DST: variants seen among roughly 807,000 people sequenced by gnomAD.
DST encodes bullous pemphigoid antigen.
A neutral mutation model predicts 875.2 loss-of-function variants in DST; 253 were observed. The ratio of observed to expected loss-of-function variants is 0.29; its 90% confidence interval spans 0.26 to 0.32. The LOEUF is 0.32. DST is among the 10% of genes least tolerant of loss of function. DST has a pLI of 1.00. For synonymous variants in DST, 3,124 were observed against 3,197.1 expected (o/e 0.98, Z 0.77); for missense variants, 8,287 against 9,111.6 (o/e 0.91, Z 3.68).
intron 16 of DST, 41 bp downstream of exon 16, chr6:56,642,369 C>T: frequency 7.2e-7 from 1 of 1,386,332 alleles, no homozygotes; most frequent in Non-Finnish European, 1.0e-6. Flanking sequence ...CGCACAGTGA[C>T]TCCTCTACCA....
rs1203821937 is a variant in DST at position 56,605,980 on chromosome 6, G to C, written c.8648C>G (p.Pro2883Arg). 1 of 1,612,562 alleles carries C rather than the reference G, an allele frequency of 6.2e-7. No individual in the cohort carries two copies. The highest frequency in any genetic ancestry group is 2.2e-5 in the East Asian group (1 of 44,858). The change falls in exon 40 of 104, where the codon CCT becomes CGT. Residue 2883 changes from proline (P) to arginine (R), a missense_variant. Around this residue, in one of 10 missense-constraint regions of DST, gnomAD observed 3,138 missense variants for 3,116.6 expected, o/e 1.01. Transcript: ENST00000680361. The stretch of plus-strand genomic sequence containing the variant: ...TTCAGTAACTAAGTTATTTTCACTA[G>C]GTGATGCTAGCTGTACAACATTTAC... ...QRVNVVQLASPSENNLVTEKS... is the reference protein window; with the variant it reads ...QRVNVVQLASRSENNLVTEKS...
chr6:56,503,964 G>T, intron 78 of DST, 33 bp downstream of exon 78: 2 of 1,463,998 alleles, frequency 1.4e-6, no homozygotes, highest in Non-Finnish European at 1.9e-6. Context: ...AAAACTGCAA[G>T]GGAGTCTTCG....
intron 4 of DST, among the ~76,000 whole-genome samples, chr6:56,799,350 ATC>A (rs900096530): frequency 2.7e-5 from 4 of 148,130 alleles, no homozygotes; most frequent in Admixed American, 2.0e-4. Flanking sequence ...GCAAGAAACT[ATC>A]TCTCTTTTTT....
chr6:56,504,571 T>C (rs1165180876), intron 77 of DST, among the ~76,000 whole-genome samples: 1 of 152,180 alleles, frequency 6.6e-6, no homozygotes, highest in Non-Finnish European at 1.5e-5. Flanking sequence ...ATCCTGCACA[T>C]ATAAATTATT....
At chr6:56,887,182 T>C (rs774955653) in intron 3 of DST, among the ~76,000 whole-genome samples, 9 of 152,142 alleles carry the variant, frequency 5.9e-5, no homozygotes, top group Admixed American at 2.0e-4. Context: ...CAGAGAGGAA[T>C]CTAGCATTAC....
intron 15 of DST, 118 bp from the exon 16 acceptor site, chr6:56,642,621 C>A (rs2098917409): frequency 6.2e-7 from 1 of 1,614,122 alleles, no homozygotes; most frequent in Non-Finnish European, 8.5e-7. Context: ...TGATTCAATA[C>A]CTGTGTCCAT....
chr6:56,510,237 T>C (rs545071120), intron 73 of DST, among the ~76,000 whole-genome samples: 2 of 152,302 alleles, frequency 1.3e-5, no homozygotes, highest in African/African-American at 2.4e-5. Context: ...ATTTTAAAAA[T>C]CAAGTTCAAT....
chr6:56,665,926 A>AGG (rs1236858850), intron 10 of DST, among the ~76,000 whole-genome samples: 3 of 152,248 alleles, frequency 2.0e-5, no homozygotes, highest in Non-Finnish European at 4.4e-5. Context: ...AAAAACAGCT[A>AGG]GGACAGAAAC....
chr6:56,617,052 T>C lies in DST; in HGVS notation c.4930-2568A>G, dbSNP rs374067079. On this transcript the variant is annotated intron_variant, in intron 36 of 103. Transcript: ENST00000680361. ...GTAGATTCTAGGTAAAGCCCTGCAA[T>C]TGAGGTGGCTTTCGTCAGAAACTTG... 7.4e-6 allele frequency: 12 copies of C among 1,613,974 alleles called. No individual in the cohort carries two copies. The highest frequency in any genetic ancestry group is 5.3e-5 in the African/African-American group (4 of 74,924).
chr6:56,809,502 TTATA>T (rs1159823202), intron 4 of DST, among the ~76,000 whole-genome samples: 2 of 152,214 alleles, frequency 1.3e-5, no homozygotes, highest in East Asian at 1.9e-4. Context: ...GATTATATTC[TTATA>T]TAGTCAAACA....
chr6:56,954,478 C>G lies in DST; in HGVS notation c.110G>C (p.Cys37Ser). 7.3e-7 allele frequency: 1 copy of G among 1,367,542 alleles called. No individual in the cohort carries two copies. Among genetic ancestry groups the G allele is most frequent in the Non-Finnish European group, 9.8e-7 (1 of 1,021,826 alleles). 84.7% of individuals were successfully genotyped at this position (1,367,542 alleles called of 1,614,324 possible). A position where few individuals can be genotyped will look rare whatever the true frequency, so the allele number is the denominator to read the frequency against. The change falls in exon 1 of 104, where the codon TGC becomes TCC. Residue 37 changes from cysteine (C) to serine (S), a missense_variant. By Grantham distance (112) the Cys-to-Ser change is moderately radical. Transcript: ENST00000680361. ...GTIATIVFFC[C>S]WHRKLQKGRH... is the part of the protein sequence containing the mutation. ...CCCTTTCTGGAGCTTGCGGTGCCAG[C>G]AGCAGAAGAAGACGATGGTGGCGAT...
chr6:56,531,069 A>G (rs1354635623), intron 64 of DST, among the ~76,000 whole-genome samples: 1 of 152,222 alleles, frequency 6.6e-6, no homozygotes, highest in Non-Finnish European at 1.5e-5. Context: ...CACATTTTTA[A>G]AAACTTTCAG....
At chr6:56,653,695 CA>C (rs200992932) in intron 10 of DST, among the ~76,000 whole-genome samples, 1 of 151,968 alleles carries the variant, frequency 6.6e-6, no homozygotes, top group Non-Finnish European at 1.5e-5. Context: ...CAAAAAAACA[CA>C]AAAAACCACT....
intron 3 of DST, among the ~76,000 whole-genome samples, chr6:56,880,713 A>G (rs1386421932): frequency 6.6e-6 from 1 of 151,884 alleles, no homozygotes; most frequent in African/African-American, 2.4e-5. Context: ...AAAAAAAAAA[A>G]AAAGAAAGCA....
Position 56,557,454 on chromosome 6 carries a change from G to A in DST, c.14505C>T (p.Ser4835=), listed in dbSNP as rs758911241. 1 of 1,613,538 alleles carries A rather than the reference G, an allele frequency of 6.2e-7. No individual in the cohort carries two copies. Among genetic ancestry groups the A allele is most frequent in the South Asian group, 1.1e-5 (1 of 91,046 alleles). Residue 4835 remains serine (S), a synonymous_variant, in exon 59 of 104, where the codon TCC becomes TCT. Coordinates refer to ENST00000680361, the MANE Select transcript of DST (RefSeq NM_001374736.1). ...CAGTCTGGAACTGGGTTAGATTATT[G>A]GAGGATTCTTCCAGTTTTTGTTGTC... ...IDRQQKLEES[S]NNLTQFQTVE...
chr6:56,703,753 A>C lies in DST; in HGVS notation c.778-7T>G, dbSNP rs1376072210. 2.9e-5 allele frequency: 28 copies of C among 970,626 alleles called. No homozygotes were observed. Among genetic ancestry groups the C allele is most frequent in the Non-Finnish European group, 3.2e-5 (26 of 816,422 alleles). 60.1% of individuals were successfully genotyped at this position (970,626 alleles called of 1,614,324 possible). A position where few individuals can be genotyped will look rare whatever the true frequency, so the allele number is the denominator to read the frequency against. ...AAAAATCTCGCTCCCTTGGCTAATGAATATAACAGACAGAAGATAGGACAG... is the reference window on the plus strand; with the variant it reads ...AAAAATCTCGCTCCCTTGGCTAATGCATATAACAGACAGAAGATAGGACAG... On this transcript the variant is annotated splice_polypyrimidine_tract_variant and splice_region_variant and intron_variant, in intron 6 of 103. Transcript: ENST00000680361.
intron 3 of DST, among the ~76,000 whole-genome samples, chr6:56,872,032 T>C (rs1300314235): frequency 2.0e-5 from 3 of 152,222 alleles, no homozygotes; most frequent in Non-Finnish European, 4.4e-5. Context: ...CTTTCATGTA[T>C]GTCCAGCGAT....
At chr6:56,493,404 T>C (rs1214897415) in intron 83 of DST, among the ~76,000 whole-genome samples, 1 of 152,148 alleles carries the variant, frequency 6.6e-6, no homozygotes, top group African/African-American at 2.4e-5. Flanking sequence ...TTGACATTCA[T>C]ACAATTAATT....
At chr6:56,561,285 A>G (rs1436920609) in intron 57 of DST, 23 bp downstream of exon 57, 1 of 1,590,766 alleles carries the variant, frequency 6.3e-7, no homozygotes, top group Non-Finnish European at 8.6e-7. Context: ...CATGTCTTCC[A>G]TAGGTGCACC....
Sources: gnomAD v4.1 joint callset for allele counts (sites outside exome capture counted in the v4.1 genomes callset) on GRCh38, gnomAD v4.1.1 for gene constraint, gnomAD v4.1.1 regional missense constraint, MANE v1.5 for transcripts, NCBI Gene and HGNC (gene_info 2026-07-23, HGNC 2026-07-21) for gene names.